COL25A1: variants seen among roughly 807,000 people sequenced by gnomAD.
COL25A1 encodes collagen alpha-1(XXV) chain.
In COL25A1, 103 loss-of-function variants were observed where a neutral mutation model predicts 128.4. The ratio of observed to expected loss-of-function variants is 0.80; its 90% CI spans 0.68 to 0.94. The LOEUF (loss-of-function observed/expected upper bound fraction) is 0.94, where lower values mean the gene tolerates loss of function less well. Among genes scored for constraint, COL25A1 ranks in the 40% least tolerant of loss-of-function variants. The probability of loss-of-function intolerance (pLI) is 0.00; values close to 1 mark genes in which losing one functional copy is unlikely to be tolerated. For synonymous variants in COL25A1, 279 were observed against 277.2 expected, an observed-to-expected ratio of 1.01 and a Z score of -0.06; for missense variants, 745 against 840.0, an observed-to-expected ratio of 0.89 and a Z score of 1.40.
chr4:109,232,136 A>G (rs1444690383), intron 3 of COL25A1, among the ~76,000 whole-genome samples: 1 of 152,170 alleles, frequency 6.6e-6, no homozygotes, highest in Non-Finnish European at 1.5e-5. Flanking sequence ...ATGGGAAGAG[A>G]AAAATGTACC....
At chr4:108,869,037 A>C (rs1738354352) in intron 20 of COL25A1, 51 bp downstream of exon 20, 2 of 1,160,012 alleles carry the variant, frequency 1.7e-6, no homozygotes, top group African/African-American at 1.6e-5. Context: ...AGGAAGGAAG[A>C]AAAGAAAGAA....
intron 19 of COL25A1, among the ~76,000 whole-genome samples, chr4:108,882,684 G>A (rs552277904): frequency 6.6e-6 from 1 of 152,014 alleles, no homozygotes; most frequent in African/African-American, 2.4e-5. Flanking sequence ...AAATGATAAG[G>A]AAGTGACTTC....
intron 3 of COL25A1, among the ~76,000 whole-genome samples, chr4:109,244,213 G>A (rs928465907): frequency 2.7e-5 from 4 of 150,762 alleles, no homozygotes; most frequent in African/African-American, 9.7e-5. Flanking sequence ...TCCCTAAGTC[G>A]AGGTAAACCG....
At chr4:108,835,009 G>A (rs1733615401) in intron 31 of COL25A1, among the ~76,000 whole-genome samples, 1 of 152,108 alleles carries the variant, frequency 6.6e-6, no homozygotes, top group African/African-American at 2.4e-5. Context: ...CTAGGAAAGG[G>A]AAAAAGCCAG....
intron 3 of COL25A1, among the ~76,000 whole-genome samples, chr4:109,190,873 C>G (rs183463263): frequency 1.3e-5 from 2 of 152,256 alleles, no homozygotes; most frequent in East Asian, 3.9e-4. Flanking sequence ...TTCAGAAGTA[C>G]AGAGTGGCAT....
chr4:108,846,972 C>A (rs1367058712), intron 27 of COL25A1, among the ~76,000 whole-genome samples: 1 of 143,094 alleles, frequency 7.0e-6, no homozygotes, highest in Non-Finnish European at 1.5e-5. Context: ...ATGGTGCGAT[C>A]TTGGCTCACT....
intron 11 of COL25A1, among the ~76,000 whole-genome samples, chr4:108,928,542 T>TTATTTATGTATG (rs749154481): frequency 0.062 from 9,354 of 151,964 alleles, 366 homozygotes; most frequent in Non-Finnish European, 0.075. Context: ...ATTTATGTAT[T>TTATTTATGTATG]TATTTATTTA....
At chr4:108,880,557 G>C (rs6830799) in intron 19 of COL25A1, among the ~76,000 whole-genome samples, 1 of 151,900 alleles carries the variant, frequency 6.6e-6, no homozygotes, top group Non-Finnish European at 1.5e-5. Flanking sequence ...AATCAAAACC[G>C]ACACAGCATT....
chr4:108,814,526 GCAGATTTCTGGTTTCTCAC>G lies in COL25A1; in HGVS notation c.1963-616_1963-598del, dbSNP rs539039174. On this transcript the variant is annotated intron_variant, in intron 37 of 37. Transcript: ENST00000399132. ...AGGTTCCATTGTGACCTAAGGCACC[GCAGATTTCTGGTTTCTCAC>G]CAGATTTCTGGTTTCTCACCACAGA... 9.9e-3 allele frequency among the ~76,000 whole-genome samples: 1,509 copies of G among 152,222 alleles called. 23 individuals carry two copies. The highest frequency in any genetic ancestry group is 0.034 in the African/African-American group (1,393 of 41,522).
intron 3 of COL25A1, among the ~76,000 whole-genome samples, chr4:109,263,246 T>G (rs1339573079): frequency 6.6e-6 from 1 of 152,166 alleles, no homozygotes; most frequent in African/African-American, 2.4e-5. Context: ...GAGATATATT[T>G]TAAAAGAACA....
At chr4:109,021,253 C>T (rs904009164) in intron 5 of COL25A1, among the ~76,000 whole-genome samples, 1 of 152,134 alleles carries the variant, frequency 6.6e-6, no homozygotes, top group Non-Finnish European at 1.5e-5. Context: ...GATAACTGCC[C>T]AGTATGAAGG....
intron 6 of COL25A1, among the ~76,000 whole-genome samples, chr4:108,983,452 T>C (rs1321259340): frequency 1.3e-5 from 2 of 152,210 alleles, no homozygotes; most frequent in African/African-American, 4.8e-5. Context: ...TTTCCTAATA[T>C]ATTGTCCCAA....
At chr4:109,259,898 G>A (rs1781318512) in intron 3 of COL25A1, among the ~76,000 whole-genome samples, 1 of 152,194 alleles carries the variant, frequency 6.6e-6, no homozygotes, top group Admixed American at 6.5e-5. Context: ...AAGCAACGTA[G>A]CCAGAGGTTG....
At chr4:109,274,297 T>C (rs911677260) in intron 3 of COL25A1, among the ~76,000 whole-genome samples, 2 of 152,138 alleles carry the variant, frequency 1.3e-5, no homozygotes, top group Admixed American at 1.3e-4. Context: ...ATTACTTTCA[T>C]CACAAATTTC....
chr4:109,009,988 A>G (rs1210295809), intron 6 of COL25A1, among the ~76,000 whole-genome samples: 2 of 152,246 alleles, frequency 1.3e-5, no homozygotes, highest in Non-Finnish European at 2.9e-5. Flanking sequence ...AAATAATCAG[A>G]GTCTGCAGGG....
At chr4:108,867,159 CT>C (rs1738038736) in intron 20 of COL25A1, among the ~76,000 whole-genome samples, 1 of 152,174 alleles carries the variant, frequency 6.6e-6, no homozygotes, top group Non-Finnish European at 1.5e-5. Flanking sequence ...TAGGAATGAA[CT>C]TCACTCTCTA....
chr4:109,014,402 T>C (rs764074084), intron 5 of COL25A1, among the ~76,000 whole-genome samples: 26 of 144,172 alleles, frequency 1.8e-4, no homozygotes, highest in Non-Finnish European at 3.1e-4. Context: ...CAGGATTCTC[T>C]AAAATCAGGA....
At chr4:108,842,948 C>G (rs973557883) in intron 30 of COL25A1, among the ~76,000 whole-genome samples, 1 of 151,964 alleles carries the variant, frequency 6.6e-6, no homozygotes, top group Non-Finnish European at 1.5e-5. Context: ...AGTTTGAGAA[C>G]AGCTTGGGCA....
chr4:108,959,986 A>T lies in COL25A1; in HGVS notation c.492+14381T>A, dbSNP rs186697456. 5.2e-4 allele frequency among the ~76,000 whole-genome samples: 79 copies of T among 152,256 alleles called. No homozygotes were observed. In the East Asian group the frequency reaches 6.6e-3, roughly 13 times the overall value. ...TTTGAATAATTGCAAATGACTACTA[A>T]AGAAAAGGCTGCAAGACTGAAAAGT... On this transcript the variant is annotated intron_variant, in intron 8 of 37. Transcript: ENST00000399132.
Sources: gnomAD v4.1 joint callset for allele counts (sites outside exome capture counted in the v4.1 genomes callset) on GRCh38, gnomAD v4.1.1 for gene constraint, MANE v1.5 for transcripts, NCBI Gene and HGNC (gene_info 2026-07-23, HGNC 2026-07-21) for gene names.